Variants in CNTNAP2 observed in about 807,000 individuals in gnomAD.
CNTNAP2 encodes contactin associated protein 2.
In CNTNAP2, 98 loss-of-function variants were observed where a neutral mutation model predicts 155.2. That is an observed-to-expected ratio of 0.63 (90% CI 0.54 to 0.75). The LOEUF (loss-of-function observed/expected upper bound fraction) is 0.75. Among genes scored for constraint, CNTNAP2 ranks in the 30% least tolerant of loss-of-function variants. CNTNAP2 has a pLI of 0.00. For missense variants in CNTNAP2, 1,727 were observed against 1,688.1 expected (o/e 1.02, Z -0.40); for synonymous variants, 651 against 631.2 (o/e 1.03, Z -0.47).
intron 11 of CNTNAP2, among the ~76,000 whole-genome samples, chr7:147,521,197 C>A (rs529750195): frequency 1.6e-4 from 24 of 152,298 alleles, no homozygotes; most frequent in African/African-American, 5.8e-4. Flanking sequence ...TTCCTGGAAT[C>A]CCTAGGATAA....
chr7:146,622,962 AAAAAAAG>A (rs774515720), intron 1 of CNTNAP2, among the ~76,000 whole-genome samples: 2,772 of 149,824 alleles, frequency 0.019, 72 homozygotes, highest in African/African-American at 0.062. Flanking sequence ...ATCTCAAAAA[AAAAAAAG>A]AAAAAAGAAA....
At chr7:147,007,324 T>A (rs2129242840) in intron 3 of CNTNAP2, among the ~76,000 whole-genome samples, 1 of 152,180 alleles carries the variant, frequency 6.6e-6, no homozygotes, top group East Asian at 1.9e-4. Flanking sequence ...AGAGCATAAA[T>A]TTTCTTTTTG....
intron 22 of CNTNAP2, 87 bp downstream of exon 22, chr7:148,383,975 C>T (rs1585326179): frequency 6.6e-7 from 1 of 1,515,556 alleles, no homozygotes; most frequent in Non-Finnish European, 8.9e-7. Flanking sequence ...AATAACAGAA[C>T]CTCACTGGTA....
chr7:148,141,392 A>C (rs984134541), intron 16 of CNTNAP2, among the ~76,000 whole-genome samples: 1 of 152,270 alleles, frequency 6.6e-6, no homozygotes, highest in Non-Finnish European at 1.5e-5. Flanking sequence ...CTGAGAAAAT[A>C]TTCATTGAGT....
chr7:147,814,843 A>T (rs76136436), intron 13 of CNTNAP2, among the ~76,000 whole-genome samples: 3,590 of 152,302 alleles, frequency 0.024, 55 homozygotes, highest in Middle Eastern at 0.048. Flanking sequence ...CCTACAAATA[A>T]TCATCCTATA....
chr7:148,227,186 G>A (rs992300846), intron 19 of CNTNAP2, among the ~76,000 whole-genome samples: 1 of 152,102 alleles, frequency 6.6e-6, no homozygotes, highest in Non-Finnish European at 1.5e-5. Flanking sequence ...AAGTGTTCCC[G>A]GGAGGTGAAT....
At chr7:147,898,530 T>C (rs1799809033) in intron 13 of CNTNAP2, among the ~76,000 whole-genome samples, 1 of 140,336 alleles carries the variant, frequency 7.1e-6, no homozygotes, top group African/African-American at 2.6e-5. Context: ...AGATTTTTTT[T>C]TCTTTTTTTT....
chr7:147,341,769 T>C (rs62482225), intron 9 of CNTNAP2, among the ~76,000 whole-genome samples: 5 of 147,314 alleles, frequency 3.4e-5, no homozygotes, highest in African/African-American at 1.3e-4. Flanking sequence ...CACATACACA[T>C]ACACACACAC....
chr7:148,355,409 A>C (rs1327239607), intron 21 of CNTNAP2, among the ~76,000 whole-genome samples: 4 of 151,934 alleles, frequency 2.6e-5, no homozygotes, highest in African/African-American at 9.7e-5. Flanking sequence ...AAATTATTTC[A>C]ACTGCCTGTT....
chr7:148,095,028 AGAT>A (rs1259136436), intron 15 of CNTNAP2, among the ~76,000 whole-genome samples: 3 of 152,370 alleles, frequency 2.0e-5, no homozygotes, highest in South Asian at 2.1e-4. Context: ...TAAAGTAGAA[AGAT>A]GATGAGAGAG....
chr7:146,144,211 G>C (rs1369998936), intron 1 of CNTNAP2, among the ~76,000 whole-genome samples: 1 of 152,092 alleles, frequency 6.6e-6, no homozygotes, highest in Non-Finnish European at 1.5e-5. Flanking sequence ...GAGTGCAGTA[G>C]TGTGATCTCA....
intron 1 of CNTNAP2, among the ~76,000 whole-genome samples, chr7:146,720,942 T>TATATATATA (rs1311585309): frequency 0.024 from 3,271 of 134,914 alleles, 74 homozygotes; most frequent in East Asian, 0.098. Flanking sequence ...ATATACTTTC[T>TATATATATA]CTATATATTC....
intron 3 of CNTNAP2, among the ~76,000 whole-genome samples, chr7:146,978,733 C>T (rs2129235982): frequency 6.6e-6 from 1 of 151,446 alleles, no homozygotes; most frequent in South Asian, 2.1e-4. Flanking sequence ...TAACTCTCCT[C>T]TTGCTACTTT....
chr7:146,975,294 G>A (rs1051942529), intron 3 of CNTNAP2, among the ~76,000 whole-genome samples: 4 of 151,900 alleles, frequency 2.6e-5, no homozygotes, highest in South Asian at 2.1e-4. Context: ...GCAAAACCCC[G>A]TCTCTACTAA....
intron 1 of CNTNAP2, among the ~76,000 whole-genome samples, chr7:146,240,121 C>T (rs1799536000): frequency 6.6e-6 from 1 of 152,096 alleles, no homozygotes; most frequent in Admixed American, 6.5e-5. Context: ...ATAATAGAAA[C>T]TGTATTAACT....
At chr7:146,159,183 GA>G (rs1798177172) in intron 1 of CNTNAP2, among the ~76,000 whole-genome samples, 3 of 152,058 alleles carry the variant, frequency 2.0e-5, no homozygotes, top group Admixed American at 2.0e-4. Context: ...TACAGACAAA[GA>G]AATGCTGAGA....
intron 13 of CNTNAP2, among the ~76,000 whole-genome samples, chr7:147,642,440 G>A (rs867174841): frequency 6.6e-6 from 1 of 151,948 alleles, no homozygotes. Flanking sequence ...TAGTGCTCCT[G>A]GTCTTGCAGT....
At chr7:147,209,100 A>G (rs1803082488) in intron 8 of CNTNAP2, among the ~76,000 whole-genome samples, 1 of 151,988 alleles carries the variant, frequency 6.6e-6, no homozygotes, top group African/African-American at 2.4e-5. Context: ...TTAATTTTAG[A>G]ATTGTTTTCT....
At chr7:146,498,381 T>C (rs1797250571) in intron 1 of CNTNAP2, among the ~76,000 whole-genome samples, 1 of 152,160 alleles carries the variant, frequency 6.6e-6, no homozygotes, top group African/African-American at 2.4e-5. Flanking sequence ...TTTGTTTTGT[T>C]CTACAGAGCA....
Sources: gnomAD v4.1 joint callset for allele counts (sites outside exome capture counted in the v4.1 genomes callset) on GRCh38, gnomAD v4.1.1 for gene constraint, MANE v1.5 for transcripts, NCBI Gene and HGNC (gene_info 2026-07-23, HGNC 2026-07-21) for gene names.